The following EML1 variants were observed in gnomAD, a reference collection of about 807,000 sequenced individuals.
The protein encoded by EML1 is EMAP like 1.
EML1 carries 27 observed loss-of-function variants against 110.4 expected under a neutral mutation model. The ratio of observed to expected loss-of-function variants is 0.24; its 90% CI spans 0.18 to 0.34. The LOEUF is 0.34. Ranked by LOEUF, EML1 falls within the 10% of genes least tolerant of loss-of-function variation. The probability of loss-of-function intolerance (pLI) is 1.00; values close to 1 mark genes in which losing one functional copy is unlikely to be tolerated. For synonymous variants in EML1, 344 were observed against 385.8 expected (o/e 0.89, Z 1.27); for missense variants, 741 against 1,030.9 (o/e 0.72, Z 3.85).
At chr14:99,849,750 A>G (rs11847950) in intron 1 of EML1, among the ~76,000 whole-genome samples, 7,328 of 151,772 alleles carry the variant, frequency 0.048, 613 homozygotes, top group African/African-American at 0.17. Context: ...GTTTCACCCT[A>G]TTGGCCAGGC....
intron 1 of EML1, among the ~76,000 whole-genome samples, chr14:99,842,168 A>G (rs1253593114): frequency 6.6e-6 from 1 of 152,246 alleles, no homozygotes; most frequent in Non-Finnish European, 1.5e-5. Flanking sequence ...TGCATTCCCA[A>G]CCTGAGGTTT....
rs548177565 is a variant in EML1, at chr14:99,796,012, C to A, written c.67+2469C>A. 3.9e-5 allele frequency among the ~76,000 whole-genome samples: 6 copies of A among 152,116 alleles called. No homozygotes were observed. In the East Asian group the frequency reaches 1.2e-3, roughly 29 times the overall value. On this transcript the variant is annotated intron_variant, in intron 1 of 21. Coordinates refer to ENST00000262233, the MANE Select transcript of EML1 (RefSeq NM_004434.3). ...AGCAGCCTGGGCAACATAGCAAGACCCCCCTCTACAAAAAATTTTTAAAAG... is the reference window on the plus strand; with the variant it reads ...AGCAGCCTGGGCAACATAGCAAGACACCCCTCTACAAAAAATTTTTAAAAG...
chr14:99,828,089 C>T (rs2058390552), intron 1 of EML1, among the ~76,000 whole-genome samples: 1 of 152,080 alleles, frequency 6.6e-6, no homozygotes, highest in South Asian at 2.1e-4. Context: ...ATGTGTTACC[C>T]AACAATATTT....
At chr14:99,808,080 T>C (rs542020908) in intron 1 of EML1, among the ~76,000 whole-genome samples, 1 of 152,290 alleles carries the variant, frequency 6.6e-6, no homozygotes, top group East Asian at 1.9e-4. Context: ...CCCGGATTAC[T>C]TGGTCTTTCC....
intron 1 of EML1, among the ~76,000 whole-genome samples, chr14:99,843,157 G>A (rs2058658349): frequency 6.6e-6 from 1 of 152,164 alleles, no homozygotes; most frequent in Non-Finnish European, 1.5e-5. Flanking sequence ...GGGAGGCTGA[G>A]ATAGGAGGAT....
At chr14:99,918,759 G>A (rs1451789471) in intron 16 of EML1, among the ~76,000 whole-genome samples, 3 of 152,162 alleles carry the variant, frequency 2.0e-5, no homozygotes, top group African/African-American at 7.2e-5. Flanking sequence ...AGGCTGCATC[G>A]CACTATGATT....
At chr14:99,867,117 A>T (rs918681802) in intron 3 of EML1, among the ~76,000 whole-genome samples, 1 of 152,064 alleles carries the variant, frequency 6.6e-6, no homozygotes, top group African/African-American at 2.4e-5. Context: ...AGTGTCTCTT[A>T]TCCCCATCTT....
intron 2 of EML1, among the ~76,000 whole-genome samples, chr14:99,851,769 A>G (rs980081056): frequency 6.6e-6 from 1 of 152,168 alleles, no homozygotes; most frequent in Non-Finnish European, 1.5e-5. Context: ...CAGCATAGCA[A>G]CACTCGATCA....
intron 1 of EML1, among the ~76,000 whole-genome samples, chr14:99,822,064 C>T (rs1241679650): frequency 6.6e-6 from 1 of 152,140 alleles, no homozygotes; most frequent in Admixed American, 6.5e-5. Flanking sequence ...ATCGGTTGCT[C>T]GTGTTGGAAC....
At chr14:99,803,356 C>T (rs532553903) in intron 1 of EML1, among the ~76,000 whole-genome samples, 18 of 152,332 alleles carry the variant, frequency 1.2e-4, no homozygotes, top group Non-Finnish European at 2.2e-4. Context: ...ACCACATGTG[C>T]ATATAACTGT....
intron 5 of EML1, 116 bp downstream of exon 5, chr14:99,891,343 T>G (rs2059584316): frequency 7.6e-7 from 1 of 1,324,126 alleles, no homozygotes; most frequent in African/African-American, 1.5e-5. Context: ...GAGCTTTGGT[T>G]TGTGCAGGCC....
intron 1 of EML1, among the ~76,000 whole-genome samples, chr14:99,767,316 G>A (rs538996191): frequency 3.3e-5 from 5 of 152,252 alleles, no homozygotes; most frequent in African/African-American, 9.6e-5. Flanking sequence ...TCTGTAAAAC[G>A]GCATTGGCCG....
chr14:99,932,956 A>C (rs1218618608), intron 17 of EML1, among the ~76,000 whole-genome samples: 1 of 152,086 alleles, frequency 6.6e-6, no homozygotes, highest in Middle Eastern at 3.2e-3. Context: ...GTCTCAACAA[A>C]AAAATAAAAA....
At chr14:99,895,071 A>T (rs1023403477) in intron 6 of EML1, among the ~76,000 whole-genome samples, 10 of 152,036 alleles carry the variant, frequency 6.6e-5, no homozygotes, top group African/African-American at 2.4e-4. Flanking sequence ...TGAAGATGTT[A>T]TATGATTGTA....
chr14:99,770,404 T>C (rs2057413014), upstream of EML1, among the ~76,000 whole-genome samples: 2 of 152,108 alleles, frequency 1.3e-5, no homozygotes, highest in African/African-American at 4.8e-5. Context: ...TCTATCTATC[T>C]ATCTTTTTTA....
chr14:99,884,549 C>T (rs569449590), intron 4 of EML1, among the ~76,000 whole-genome samples: 10 of 151,952 alleles, frequency 6.6e-5, no homozygotes, highest in Non-Finnish European at 1.2e-4. Flanking sequence ...AGATAATCCA[C>T]GGAATAGAAA....
chr14:99,923,299 C>A (rs1311986642), intron 17 of EML1, among the ~76,000 whole-genome samples: 1 of 152,146 alleles, frequency 6.6e-6, no homozygotes, highest in Non-Finnish European at 1.5e-5. Flanking sequence ...TGATGAAGTT[C>A]AGTTTATCAA....
intron 1 of EML1, among the ~76,000 whole-genome samples, chr14:99,754,320 G>A (rs779808135): frequency 2.6e-5 from 4 of 152,200 alleles, no homozygotes; most frequent in Non-Finnish European, 4.4e-5. Flanking sequence ...GCAAGGAGGG[G>A]GCCCCATCTC....
At chr14:99,849,760 C>G (rs975051144) in intron 1 of EML1, among the ~76,000 whole-genome samples, 1 of 151,948 alleles carries the variant, frequency 6.6e-6, no homozygotes, top group Admixed American at 6.6e-5. Context: ...ATTGGCCAGG[C>G]TGGTCTCGAA....
Sources: allele counts gnomAD v4.1 joint callset (sites outside exome capture counted in the v4.1 genomes callset), GRCh38; gene constraint gnomAD v4.1.1; transcripts MANE v1.5; gene names NCBI Gene and HGNC (gene_info 2026-07-23, HGNC 2026-07-21).